SNX30: variants seen among roughly 807,000 people sequenced by gnomAD.
The protein encoded by SNX30 is sorting nexin family member 30.
A neutral mutation model predicts 46.4 loss-of-function variants in SNX30; 24 were observed. The observed-to-expected ratio is 0.52, with a 90% confidence interval of 0.37 to 0.73. The LOEUF is 0.73. Among genes scored for constraint, SNX30 ranks in the 30% least tolerant of loss-of-function variants. The pLI is 0.00. For synonymous variants in SNX30, 189 were observed against 211.5 expected, an observed-to-expected ratio of 0.89 and a Z score of 0.92; for missense variants, 533 against 555.7, an observed-to-expected ratio of 0.96 and a Z score of 0.41.
chr9:112,864,667 G>A (rs1194258489), intron 8 of SNX30, among the ~76,000 whole-genome samples: 2 of 152,110 alleles, frequency 1.3e-5, no homozygotes, highest in Admixed American at 6.5e-5. Flanking sequence ...GCCTGGCACT[G>A]GTTGCTTCCC....
rs573146735 is a variant in SNX30 at position 112,839,966 on chromosome 9, C to T, written c.1014+1269C>T. 2.0e-4 allele frequency among the ~76,000 whole-genome samples: 30 copies of T among 152,338 alleles called. No homozygotes were observed. In the South Asian group the frequency reaches 6.2e-3, roughly 32 times the overall value. ...ACAAATTATGATGGAAAACTTTAAG[C>T]ACATGCCAAAGCAGAGAGAATAGTG... On this transcript the variant is annotated intron_variant, in intron 6 of 8. Coordinates refer to ENST00000374232, the MANE Select transcript of SNX30 (RefSeq NM_001012994.2).
At chr9:112,861,312 T>G (rs1371704969) in intron 7 of SNX30, among the ~76,000 whole-genome samples, 1 of 151,894 alleles carries the variant, frequency 6.6e-6, no homozygotes, top group Non-Finnish European at 1.5e-5. Flanking sequence ...ATCTGCCTTC[T>G]CTTTTTGCTT....
In SNX30 at chr9:112,870,167, A is replaced by G. The variant is rs1257362410; in HGVS notation, c.*1324A>G. 3.4e-5 allele frequency: 5 copies of G among 148,894 alleles called. No individual in the cohort carries two copies. Among genetic ancestry groups the G allele is most frequent in the Admixed American group, 6.7e-5 (1 of 15,016 alleles). The allele number at this position is 148,894 out of a possible 1,614,324, so 9.2% of individuals were successfully genotyped here. Reference sequence around the variant, plus strand: ...ACAGTCACCAAGGATCTGTCTTCCAACTCTTTTTTTTTTCTGCTGAAATGA... The same window carrying G: ...ACAGTCACCAAGGATCTGTCTTCCAGCTCTTTTTTTTTTCTGCTGAAATGA... On this transcript the variant is annotated 3_prime_UTR_variant, in exon 9 of 9. Transcript: ENST00000374232.
intron 6 of SNX30, among the ~76,000 whole-genome samples, chr9:112,849,465 T>C (rs2131478783): frequency 6.6e-6 from 1 of 152,246 alleles, no homozygotes; most frequent in East Asian, 1.9e-4. Flanking sequence ...AACGTTTCCA[T>C]TATAGCAGAA....
chr9:112,755,247 C>T (rs1173480233), intron 1 of SNX30, among the ~76,000 whole-genome samples: 1 of 152,152 alleles, frequency 6.6e-6, no homozygotes, highest in African/African-American at 2.4e-5. Flanking sequence ...TTTGAGCAGA[C>T]TGGAAGGAGG....
At chr9:112,768,647 C>CTTCTTCTTTTTTTTTT (rs1554748345) in intron 1 of SNX30, among the ~76,000 whole-genome samples, 3 of 64,366 alleles carry the variant, frequency 4.7e-5, no homozygotes, top group Non-Finnish European at 9.9e-5. Flanking sequence ...ATTCTTTCTT[C>CTTCTTCTTTTTTTTTT]TTTTTTTTTT....
intron 6 of SNX30, among the ~76,000 whole-genome samples, chr9:112,845,819 C>G (rs1840933023): frequency 1.3e-5 from 2 of 152,114 alleles, no homozygotes; most frequent in African/African-American, 4.8e-5. Flanking sequence ...CAATCCATTT[C>G]CATGGAGTTT....
At chr9:112,824,532 T>G (rs1209371135) in intron 3 of SNX30, among the ~76,000 whole-genome samples, 1 of 148,730 alleles carries the variant, frequency 6.7e-6, no homozygotes, top group East Asian at 1.9e-4. Context: ...ACCCAGGTGT[T>G]TTTTTTTTTT....
intron 7 of SNX30, among the ~76,000 whole-genome samples, chr9:112,855,417 T>G (rs1841107099): frequency 6.6e-6 from 1 of 152,170 alleles, no homozygotes; most frequent in Non-Finnish European, 1.5e-5. Flanking sequence ...TACCTCGTTA[T>G]CAGGTGAAAC....
At chr9:112,783,209 A>G (rs117040799) in intron 1 of SNX30, among the ~76,000 whole-genome samples, 51 of 152,302 alleles carry the variant, frequency 3.3e-4, no homozygotes, top group Non-Finnish European at 6.2e-4. Context: ...GGCGCCATGG[A>G]GGCAGACGGT....
intron 1 of SNX30, among the ~76,000 whole-genome samples, chr9:112,771,915 C>T (rs886747437): frequency 3.9e-5 from 6 of 152,188 alleles, no homozygotes; most frequent in Admixed American, 1.3e-4. Context: ...TACCCTTTCC[C>T]TCTGTGGTCA....
At chr9:112,790,958 A>G (rs1189517669) in intron 1 of SNX30, among the ~76,000 whole-genome samples, 1 of 152,204 alleles carries the variant, frequency 6.6e-6, no homozygotes, top group Non-Finnish European at 1.5e-5. Flanking sequence ...GAATTATGGC[A>G]AATACTTTAT....
chr9:112,815,588 C>T (rs562826360), intron 2 of SNX30, among the ~76,000 whole-genome samples: 6 of 151,970 alleles, frequency 3.9e-5, no homozygotes, highest in South Asian at 2.1e-4. Context: ...CTTGAACTAC[C>T]GACCCCAAAT....
downstream of SNX30, among the ~76,000 whole-genome samples, chr9:112,882,188 C>T (rs1241039657): frequency 6.6e-6 from 1 of 152,180 alleles, no homozygotes; most frequent in Non-Finnish European, 1.5e-5. Context: ...CTCATTGCAG[C>T]CTCAACCTCC....
At chr9:112,825,007 T>G (rs1840560645) in intron 3 of SNX30, among the ~76,000 whole-genome samples, 1 of 152,184 alleles carries the variant, frequency 6.6e-6, no homozygotes. Flanking sequence ...TCCCTCCTTT[T>G]CCCAGCCCGG....
chr9:112,863,050 C>T (rs1349829633), intron 7 of SNX30, among the ~76,000 whole-genome samples: 1 of 152,200 alleles, frequency 6.6e-6, no homozygotes, highest in Non-Finnish European at 1.5e-5. Flanking sequence ...GGCCATGTCT[C>T]TTCCCTGACT....
chr9:112,780,133 T>G (rs1383595134), intron 1 of SNX30, among the ~76,000 whole-genome samples: 1 of 152,228 alleles, frequency 6.6e-6, no homozygotes, highest in African/African-American at 2.4e-5. Flanking sequence ...AGCTTTGTTC[T>G]GGTGCCACTG....
chr9:112,854,126 TC>T (rs1258754019), intron 7 of SNX30, among the ~76,000 whole-genome samples: 18 of 152,330 alleles, frequency 1.2e-4, no homozygotes, highest in Admixed American at 1.1e-3. Context: ...CAGGACACAT[TC>T]CTTTCCAAAG....
rs1840633646 is a variant in SNX30 at position 112,829,807 on chromosome 9, TAGC to T, written c.460-915_460-913del. Among the ~76,000 whole-genome samples the T allele has an allele frequency of 1.3e-5, 2 of 152,192 alleles. 1 individual carries two copies. The highest frequency in any genetic ancestry group is 4.1e-4 in the South Asian group (2 of 4,836). ...TTTTTTTTTAAGATTATGGCCATCT[TAGC>T]AGGTATGAAATGGCGTATCATGATG... On this transcript the variant is annotated intron_variant, in intron 3 of 8. Transcript: ENST00000374232.
Sources: gnomAD v4.1 joint callset for allele counts (sites outside exome capture counted in the v4.1 genomes callset) on GRCh38, gnomAD v4.1.1 for gene constraint, MANE v1.5 for transcripts, NCBI Gene and HGNC (gene_info 2026-07-23, HGNC 2026-07-21) for gene names.